Variants in MACROD2 observed in about 807,000 individuals in gnomAD.
MACROD2 encodes the protein ADP-ribose glycohydrolase MACROD2.
Under a neutral mutation model 70.4 loss-of-function variants are expected in MACROD2, and 36 were observed. The ratio of observed to expected loss-of-function variants is 0.51; its 90% CI spans 0.39 to 0.68. The LOEUF (loss-of-function observed/expected upper bound fraction) is 0.68, where lower values mean the gene tolerates loss of function less well. MACROD2 is among the 30% of genes least tolerant of loss of function. The pLI is 0.00. For missense variants in MACROD2, 496 were observed against 538.4 expected (o/e 0.92, Z 0.78); for synonymous variants, 172 against 178.8 (o/e 0.96, Z 0.30).
rs1170006361 is a variant in MACROD2 at position 14,684,778 on chromosome 20, C to T, written c.302-65C>T. The T allele has an allele frequency of 9.2e-6, 12 of 1,302,428 alleles. No homozygotes were observed. In the Admixed American group the frequency reaches 1.0e-4, roughly 11 times the overall value. The allele number at this position is 1,302,428 out of a possible 1,614,324, so 80.7% of individuals were successfully genotyped here. ...ACAAATTGAGTTCTCTTCCTCTTCC[C>T]ATCTTGAGCTTTATATTTATTTCCA... On this transcript the variant is annotated intron_variant, in intron 4 of 17. Coordinates refer to ENST00000684519, the MANE Select transcript of MACROD2 (RefSeq NM_001351661.2).
chr20:14,667,556 G>C (rs1053315525), intron 4 of MACROD2, among the ~76,000 whole-genome samples: 1 of 152,138 alleles, frequency 6.6e-6, no homozygotes, highest in African/African-American at 2.4e-5. Flanking sequence ...TGTTGGATGC[G>C]TGTGCTGTGT....
At chr20:14,503,502 G>C (rs1781836309) in intron 4 of MACROD2, among the ~76,000 whole-genome samples, 1 of 152,192 alleles carries the variant, frequency 6.6e-6, no homozygotes, top group Non-Finnish European at 1.5e-5. Context: ...TATGCATGGG[G>C]AGAATCAGTG....
intron 12 of MACROD2, among the ~76,000 whole-genome samples, chr20:15,954,977 G>A (rs1221268755): frequency 6.6e-6 from 1 of 152,130 alleles, no homozygotes; most frequent in Non-Finnish European, 1.5e-5. Flanking sequence ...TAGGTTGCAG[G>A]GCAGCAAAGA....
At chr20:15,540,184 A>G (rs907851468) in intron 8 of MACROD2, among the ~76,000 whole-genome samples, 1 of 152,228 alleles carries the variant, frequency 6.6e-6, no homozygotes, top group Non-Finnish European at 1.5e-5. Context: ...ATGAACTAAA[A>G]TATTGCTTGA....
chr20:14,843,979 C>T (rs1026700874), intron 5 of MACROD2, among the ~76,000 whole-genome samples: 51 of 152,230 alleles, frequency 3.4e-4, no homozygotes, highest in African/African-American at 1.1e-3. Context: ...GCACCACTTC[C>T]ACCATCACCA....
intron 8 of MACROD2, among the ~76,000 whole-genome samples, chr20:15,848,716 G>A (rs117339180): frequency 3.9e-5 from 6 of 152,182 alleles, no homozygotes; most frequent in African/African-American, 7.2e-5. Context: ...TATTTCTTCC[G>A]CAGAGAGAAA....
intron 10 of MACROD2, among the ~76,000 whole-genome samples, chr20:15,894,662 G>A (rs538717446): frequency 6.6e-6 from 1 of 152,338 alleles, no homozygotes; most frequent in South Asian, 2.1e-4. Context: ...TGACAATGAA[G>A]AGTAGAAATA....
intron 5 of MACROD2, among the ~76,000 whole-genome samples, chr20:15,077,874 C>T (rs1405957800): frequency 6.6e-6 from 1 of 152,012 alleles, no homozygotes; most frequent in Non-Finnish European, 1.5e-5. Flanking sequence ...GTTGCTGCAG[C>T]GTTTGGAAGT....
rs755600191 is a variant in MACROD2 at position 15,480,196 on chromosome 20, A to C, written c.572-19578A>C. Among the ~76,000 whole-genome samples the C allele has an allele frequency of 4.6e-5, 7 of 152,168 alleles. 1 individual carries two copies. Among genetic ancestry groups the C allele is most frequent in the Admixed American group, 6.5e-5 (1 of 15,276 alleles). Reference sequence around the variant, plus strand: ...GAAACATGTGAGATGCAAGTACAGAAATGTTGGCCCAACTCTATTAAAAAC... The same window carrying C: ...GAAACATGTGAGATGCAAGTACAGACATGTTGGCCCAACTCTATTAAAAAC... On this transcript the variant is annotated intron_variant, in intron 7 of 17. Transcript: ENST00000684519.
intron 8 of MACROD2, among the ~76,000 whole-genome samples, chr20:15,546,022 A>G (rs1204871806): frequency 2.0e-5 from 3 of 152,198 alleles, no homozygotes; most frequent in Admixed American, 6.5e-5. Flanking sequence ...TGGGAGGACA[A>G]GGTGGATCAC....
At chr20:15,206,156 A>G (rs528087950) in intron 5 of MACROD2, among the ~76,000 whole-genome samples, 1 of 152,146 alleles carries the variant, frequency 6.6e-6, no homozygotes, top group Non-Finnish European at 1.5e-5. Context: ...AAAACTTTCA[A>G]ACTACGTGGT....
At chr20:15,289,650 T>G (rs1015228581) in intron 6 of MACROD2, among the ~76,000 whole-genome samples, 1 of 152,216 alleles carries the variant, frequency 6.6e-6, no homozygotes, top group Non-Finnish European at 1.5e-5. Flanking sequence ...GAAATTTTAT[T>G]ATTTTTTCTT....
chr20:14,012,194 A>T (rs895177299), intron 2 of MACROD2, among the ~76,000 whole-genome samples: 3 of 152,230 alleles, frequency 2.0e-5, no homozygotes, highest in African/African-American at 7.2e-5. Context: ...GGTGTGAGCC[A>T]CCGTACTCAG....
At chr20:14,081,143 T>C (rs1300615123) in intron 2 of MACROD2, among the ~76,000 whole-genome samples, 1 of 152,226 alleles carries the variant, frequency 6.6e-6, no homozygotes, top group African/African-American at 2.4e-5. Context: ...TCACTCTTGA[T>C]ACTTGGTCAA....
rs1487421899 is a variant in MACROD2 at position 14,497,103 on chromosome 20, T to C, written c.301+3595T>C. 3.3e-5 allele frequency among the ~76,000 whole-genome samples: 5 copies of C among 151,726 alleles called. No homozygotes were observed. In the East Asian group the frequency reaches 9.6e-4, roughly 29 times the overall value. On this transcript the variant is annotated intron_variant, in intron 4 of 17. Coordinates refer to ENST00000684519, the MANE Select transcript of MACROD2 (RefSeq NM_001351661.2). ...CTATGCAGAGATGGGTAATTCTGTT[T>C]ACACCAGGAAAAATAAGTGAGAGGA...
At chr20:14,810,591 G>A (rs1007286441) in intron 5 of MACROD2, among the ~76,000 whole-genome samples, 9 of 152,092 alleles carry the variant, frequency 5.9e-5, no homozygotes, top group African/African-American at 2.2e-4. Flanking sequence ...TCTGGCCAGG[G>A]CAGTGAGACA....
At chr20:15,334,602 G>A (rs146391017) in intron 6 of MACROD2, among the ~76,000 whole-genome samples, 2 of 151,394 alleles carry the variant, frequency 1.3e-5, no homozygotes, top group Admixed American at 6.6e-5. Flanking sequence ...AAAAAAAACT[G>A]CAAAGTGCCA....
intron 4 of MACROD2, among the ~76,000 whole-genome samples, chr20:14,629,916 A>G (rs780100151): frequency 6.6e-6 from 1 of 151,820 alleles, no homozygotes; most frequent in Non-Finnish European, 1.5e-5. Context: ...CAAAGCAGTC[A>G]GAGCATTAGC....
At chr20:15,836,741 G>C (rs2064118284) in intron 8 of MACROD2, among the ~76,000 whole-genome samples, 1 of 152,164 alleles carries the variant, frequency 6.6e-6, no homozygotes, top group South Asian at 2.1e-4. Context: ...ACTTTAACAT[G>C]ATCTGGCATC....
Sources: gnomAD v4.1 joint callset for allele counts (sites outside exome capture counted in the v4.1 genomes callset) on GRCh38, gnomAD v4.1.1 for gene constraint, MANE v1.5 for transcripts, NCBI Gene and HGNC (gene_info 2026-07-23, HGNC 2026-07-21) for gene names.